The following C11orf65 variants were observed in gnomAD, a reference collection of about 807,000 sequenced individuals.
The protein encoded by C11orf65 is protein MFI.
A neutral mutation model predicts 35.3 loss-of-function variants in C11orf65; 38 were observed. That is an observed-to-expected ratio of 1.08 (90% CI 0.83 to 1.41). The LOEUF is 1.41. Among genes scored for constraint, C11orf65 ranks in the 40% most tolerant of loss-of-function variants. C11orf65 has a pLI of 0.00. For synonymous variants in C11orf65, 105 were observed against 114.4 expected (o/e 0.92, Z 0.53); for missense variants, 370 against 367.1 (o/e 1.01, Z -0.06).
intron 2 of C11orf65, among the ~76,000 whole-genome samples, chr11:108,437,846 CTA>C (rs1371024942): frequency 6.7e-6 from 1 of 148,244 alleles, no homozygotes; most frequent in African/African-American, 2.5e-5. Context: ...AATGTAATCA[CTA>C]TCCAAAATCC....
chr11:108,464,231 C>T (rs1186034880), intron 1 of C11orf65, among the ~76,000 whole-genome samples: 1 of 151,996 alleles, frequency 6.6e-6, no homozygotes, highest in East Asian at 1.9e-4. Flanking sequence ...TCAGCGGCAA[C>T]AATTTTTGTA....
intron 2 of C11orf65, among the ~76,000 whole-genome samples, chr11:108,457,332 G>C (rs2093420726): frequency 6.6e-6 from 1 of 151,972 alleles, no homozygotes; most frequent in Non-Finnish European, 1.5e-5. Flanking sequence ...GTAACTACTA[G>C]AAGATCTACA....
At chr11:108,332,968 A>T in intron 3 of C11orf65, 13 of 1,538,074 alleles carry the variant, frequency 8.5e-6, no homozygotes, top group Non-Finnish European at 1.2e-5. Context: ...TATATTAGTT[A>T]TAGAGCCTAA....
At chr11:108,439,520 A>C (rs546428914) in intron 2 of C11orf65, among the ~76,000 whole-genome samples, 1 of 152,336 alleles carries the variant, frequency 6.6e-6, no homozygotes, top group Non-Finnish European at 1.5e-5. Context: ...ATATTTTTAC[A>C]TCAATTTATT....
intron 2 of C11orf65, among the ~76,000 whole-genome samples, chr11:108,438,158 G>A (rs754105912): frequency 2.6e-5 from 4 of 152,166 alleles, no homozygotes; most frequent in Non-Finnish European, 5.9e-5. Context: ...GAAGAGGACA[G>A]TATTTTCAAC....
In C11orf65 at chr11:108,377,000, C is replaced by CA. The variant is rs530892329; in HGVS notation, c.226+16207dup. 3.8e-3 allele frequency among the ~76,000 whole-genome samples: 582 copies of CA among 151,800 alleles called. 1 individual carries two copies. The highest frequency in any genetic ancestry group is 0.013 in the African/African-American group (547 of 41,340). On this transcript the variant is annotated intron_variant, in intron 2 of 3. Coordinates refer to the C11orf65 transcript ENST00000524755. The stretch of plus-strand genomic sequence containing the variant: ...GTGGCAATAATCAATAGCTTACCAA[C>CA]AAAAAAGAGTCCAGGACCAGATGGA...
intron 3 of C11orf65, among the ~76,000 whole-genome samples, chr11:108,428,801 T>TA (rs1374871035): frequency 1.3e-5 from 2 of 152,066 alleles, no homozygotes; most frequent in East Asian, 1.9e-4. Context: ...TCCCAGAACT[T>TA]AAAGTATTAA....
intron 1 of C11orf65, among the ~76,000 whole-genome samples, chr11:108,464,222 C>G (rs760167226): frequency 8.9e-4 from 135 of 152,124 alleles, no homozygotes; most frequent in Non-Finnish European, 1.6e-3. Flanking sequence ...CCATTGCGCT[C>G]AGCGGCAACA....
At chr11:108,365,810 G>A (rs1257872379) in intron 2 of C11orf65, 7 of 376,566 alleles carry the variant, frequency 1.9e-5, no homozygotes, top group African/African-American at 6.2e-5. Flanking sequence ...TCAGGAGTTC[G>A]AGACCAGCCT....
At chr11:108,446,360 A>C (rs1301427844) in intron 2 of C11orf65, among the ~76,000 whole-genome samples, 4 of 151,642 alleles carry the variant, frequency 2.6e-5, no homozygotes, top group African/African-American at 9.7e-5. Flanking sequence ...ATGAAGGAAA[A>C]AATGTTAAGG....
In C11orf65 at chr11:108,461,553, A is replaced by C. The variant is rs1591621654; in HGVS notation, c.7T>G (p.Trp3Gly). ...TTTGTAAATTCTGATTCCTCTTTCC[A>C]AGGCATTTGAAATTCCTAAAAGAAA... MP[W>G]KEESEFTKQD... is the part of the protein sequence containing the mutation. The change falls in exon 2 of 9, where the codon TGG (tryptophan) becomes GGG (glycine). Residue 3 changes from tryptophan (W) to glycine (G), a missense_variant. Transcript: ENST00000393084. 6.3e-7 allele frequency: 1 copy of C among 1,599,814 alleles called. No homozygotes were observed. The highest frequency in any genetic ancestry group is 8.5e-7 in the Non-Finnish European group (1 of 1,172,150).
intron 6 of C11orf65, among the ~76,000 whole-genome samples, chr11:108,403,825 A>T (rs1018932795): frequency 5.9e-5 from 9 of 152,224 alleles, no homozygotes; most frequent in Admixed American, 5.9e-4. Flanking sequence ...TTATTTATTT[A>T]TTTTTTTGAG....
At chr11:108,462,935 T>C (rs1439692637) in intron 1 of C11orf65, among the ~76,000 whole-genome samples, 7 of 152,010 alleles carry the variant, frequency 4.6e-5, no homozygotes, top group Admixed American at 3.9e-4. Flanking sequence ...GCCTGGGCAA[T>C]ATAGCGAGAC....
At position 108,315,894 on chromosome 11, in the gene C11orf65, G is replaced by A. The variant is rs369349023; in HGVS notation, c.641-6823C>T. On this transcript the variant is annotated intron_variant, in intron 6 of 6. Coordinates refer to the C11orf65 transcript ENST00000525729. Reference sequence around the variant, plus strand: ...TGTATGGCTGTGGTGGAGGGAAGATGTTACAACCCATTACTAGGTAAATTG... The same window carrying A: ...TGTATGGCTGTGGTGGAGGGAAGATATTACAACCCATTACTAGGTAAATTG... The A allele has an allele frequency of 5.0e-6, 8 of 1,612,040 alleles. No individual in the cohort carries two copies. Among genetic ancestry groups the A allele is most frequent in the African/African-American group, 2.7e-5 (2 of 74,890 alleles).
At chr11:108,354,779 A>G in intron 2 of C11orf65, 1 of 1,589,066 alleles carries the variant, frequency 6.3e-7, no homozygotes, top group Admixed American at 1.7e-5. Context: ...GGTGTGTAAC[A>G]AAATCCGTAT....
chr11:108,395,959 A>T (rs1347985049), intron 6 of C11orf65, among the ~76,000 whole-genome samples: 1 of 152,078 alleles, frequency 6.6e-6, no homozygotes, highest in Non-Finnish European at 1.5e-5. Context: ...AAAGAAGTGT[A>T]AATCTATGTA....
intron 3 of C11orf65, among the ~76,000 whole-genome samples, chr11:108,407,570 T>C (rs2092565211): frequency 6.6e-6 from 1 of 151,660 alleles, no homozygotes; most frequent in Non-Finnish European, 1.5e-5. Context: ...TACTCCTGTC[T>C]TGGCCTCCCA....
Position 108,310,283 on chromosome 11 carries a change from A to G in C11orf65, c.641-1212T>C, listed in dbSNP as rs1057522876. 1.9e-6 allele frequency: 3 copies of G among 1,613,456 alleles called. No homozygotes were observed. The African/African-American group carries it at 4.0e-5, about 22-fold the overall frequency. ...CTTTACTCTATGCAGAAATCTATGC[A>G]GATAAGAAAAGTATGGATGATCAAG... On this transcript the variant is annotated intron_variant, in intron 6 of 6. Transcript: ENST00000525729.
rs771998564 is a variant in C11orf65, at chr11:108,315,807, G to A, written c.641-6736C>T. 1.9e-6 allele frequency: 3 copies of A among 1,596,858 alleles called. No homozygotes were observed. The highest frequency in any genetic ancestry group is 3.3e-5 in the Admixed American group (2 of 59,876). On this transcript the variant is annotated intron_variant, in intron 6 of 6. Coordinates refer to the C11orf65 transcript ENST00000525729. ...TTTTTTTCCTTCTTCAATTTTTGTT[G>A]TTTCCATGTTTTCAGGATCTTCTCT... is the stretch of plus-strand genomic sequence containing the variant.
Sources: allele counts gnomAD v4.1 joint callset (sites outside exome capture counted in the v4.1 genomes callset), GRCh38; gene constraint gnomAD v4.1.1; transcripts MANE v1.5; gene names NCBI Gene and HGNC (gene_info 2026-07-23, HGNC 2026-07-21).